PPFIBP1: variants seen among roughly 807,000 people sequenced by gnomAD.
PPFIBP1 encodes the protein PPFIB scaffold protein 1, also known as liprin-beta-1.
Under a neutral mutation model 137.8 loss-of-function variants are expected in PPFIBP1, and 112 were observed. The ratio of observed to expected loss-of-function variants is 0.81; its 90% CI spans 0.70 to 0.95. The LOEUF (loss-of-function observed/expected upper bound fraction) is 0.95. Ranked by LOEUF, PPFIBP1 falls within the 40% of genes least tolerant of loss-of-function variation. The probability of loss-of-function intolerance (pLI) is 0.00; values close to 1 mark genes in which losing one functional copy is unlikely to be tolerated. For synonymous variants in PPFIBP1, 378 were observed against 417.3 expected, an observed-to-expected ratio of 0.91 and a Z score of 1.15; for missense variants, 1,083 against 1,196.6, an observed-to-expected ratio of 0.91 and a Z score of 1.40.
chr12:27,650,043 A>C lies in PPFIBP1; in HGVS notation c.505A>C (p.Lys169Gln). 1 of 1,603,060 alleles carries C rather than the reference A, an allele frequency of 6.2e-7. No homozygotes were observed. Among genetic ancestry groups the C allele is most frequent in the Non-Finnish European group, 8.5e-7 (1 of 1,170,148 alleles). The change falls in exon 7 of 30, where the codon AAG becomes CAG. Residue 169 changes from lysine (K) to glutamine (Q), a missense_variant. Transcript: ENST00000228425. ...LLSRTSLETQKLDLMAEISNL... is the reference protein window; with the variant it reads ...LLSRTSLETQQLDLMAEISNL... ...AAGTAGGACATCCTTAGAAACTCAG[A>C]AGTTGGATCTGATGGCTGAAATATC...
At chr12:27,612,749 C>T (rs1383760590) in intron 2 of PPFIBP1, among the ~76,000 whole-genome samples, 1 of 152,172 alleles carries the variant, frequency 6.6e-6, no homozygotes, top group Non-Finnish European at 1.5e-5. Context: ...CCCTGAAATA[C>T]AATCCTATTT....
At chr12:27,592,200 G>A (rs1172813243) in intron 2 of PPFIBP1, among the ~76,000 whole-genome samples, 1 of 152,222 alleles carries the variant, frequency 6.6e-6, no homozygotes, top group African/African-American at 2.4e-5. Context: ...TGGATTTGGA[G>A]CTGTCGTCCT....
Position 27,667,537 on chromosome 12 carries a change from A to C in PPFIBP1, c.1146+217A>C, listed in dbSNP as rs534424001. Among the ~76,000 whole-genome samples the C allele has an allele frequency of 3.3e-5, 5 of 152,380 alleles. No homozygotes were observed. In the East Asian group the frequency reaches 9.6e-4, roughly 29 times the overall value. ...TTCTGACTTCTTTAGACTTGGAAGA[A>C]GCAACTGGAGAGGAGTAAACAGTTA... On this transcript the variant is annotated intron_variant, in intron 13 of 29. Coordinates refer to ENST00000228425, the MANE Select transcript of PPFIBP1 (RefSeq NM_003622.4).
At position 27,689,038 on chromosome 12, in the gene PPFIBP1, A is replaced by G. The variant is rs2061364936; in HGVS notation, c.2520A>G (p.Val840=). The G allele has an allele frequency of 1.2e-6, 2 of 1,613,458 alleles. No individual in the cohort carries two copies. Among genetic ancestry groups the G allele is most frequent in the East Asian group, 2.2e-5 (1 of 44,872 alleles). ...AGGTTCTAGAGCCTCGTTTTAACGTAGAAACAATGGCTCAGTTATTGAACA... is the reference window on the plus strand; with the variant it reads ...AGGTTCTAGAGCCTCGTTTTAACGTGGAAACAATGGCTCAGTTATTGAACA... The part of the protein sequence containing the change: ...GLMVLEPRFN[V]ETMAQLLNIP... The change falls in exon 27 of 30, where the codon GTA becomes GTG. Residue 840 remains valine (V), a synonymous_variant. Coordinates refer to ENST00000228425, the MANE Select transcript of PPFIBP1 (RefSeq NM_003622.4).
At chr12:27,527,787 C>T (rs1322302812) in intron 1 of PPFIBP1, among the ~76,000 whole-genome samples, 2 of 151,794 alleles carry the variant, frequency 1.3e-5, no homozygotes, top group African/African-American at 2.4e-5. Context: ...AAAAAAATCA[C>T]AGTTGAGCAG....
intron 1 of PPFIBP1, chr12:27,547,237 G>T (rs1442174025): frequency 6.6e-6 from 1 of 152,174 alleles, no homozygotes; most frequent in African/African-American, 2.4e-5. Flanking sequence ...ACATGATGTT[G>T]GGACAAGCAA....
At chr12:27,565,332 G>C (rs574936678) in intron 1 of PPFIBP1, among the ~76,000 whole-genome samples, 1 of 152,284 alleles carries the variant, frequency 6.6e-6, no homozygotes, top group African/African-American at 2.4e-5. Context: ...CCCATCTTCT[G>C]TTTTCTCTAG....
rs753119826 is a variant in PPFIBP1 at position 27,682,428 on chromosome 12, G to T, written c.2088G>T (p.Gln696His). The T allele has an allele frequency of 5.6e-6, 9 of 1,614,028 alleles. No homozygotes were observed. The highest frequency in any genetic ancestry group is 2.2e-5 in the South Asian group (2 of 91,068). Residue 696 changes from glutamine to histidine, a missense_variant, in exon 23 of 30, where the codon CAG becomes CAT. By Grantham distance (24) the Gln-to-His change is conservative. Coordinates refer to ENST00000228425, the MANE Select transcript of PPFIBP1 (RefSeq NM_003622.4). Reference sequence around the variant, plus strand: ...ATTCACTTCATCGAAAGAAACTCCAGCTAGCACTCCAAGCCCTGGGATCTG... The same window carrying T: ...ATTCACTTCATCGAAAGAAACTCCATCTAGCACTCCAAGCCCTGGGATCTG... ...IKHSLHRKKLQLALQALGSEE... is the reference protein window; with the variant it reads ...IKHSLHRKKLHLALQALGSEE...
chr12:27,557,760 C>G (rs1384380355), intron 1 of PPFIBP1, among the ~76,000 whole-genome samples: 4 of 152,170 alleles, frequency 2.6e-5, no homozygotes. Context: ...TACATTTTGT[C>G]TATTTAAGTG....
chr12:27,626,798 T>C (rs1176404181), intron 2 of PPFIBP1, among the ~76,000 whole-genome samples: 2 of 152,130 alleles, frequency 1.3e-5, no homozygotes, highest in East Asian at 3.9e-4. Context: ...ACTCCTGACC[T>C]CAAGTGGTCT....
intron 11 of PPFIBP1, among the ~76,000 whole-genome samples, chr12:27,661,587 C>T (rs1274633089): frequency 5.9e-5 from 9 of 152,164 alleles, no homozygotes; most frequent in Non-Finnish European, 1.0e-4. Context: ...TACCTGACCA[C>T]GTATCTAGCA....
At chr12:27,586,699 G>GA (rs11414615) in intron 2 of PPFIBP1, among the ~76,000 whole-genome samples, 38,813 of 148,052 alleles carry the variant, frequency 0.26, 5,130 homozygotes, top group Middle Eastern at 0.33. Context: ...TCTGTCTCAA[G>GA]AAAAAAAAAA....
intron 2 of PPFIBP1, among the ~76,000 whole-genome samples, chr12:27,591,832 G>C (rs1242583850): frequency 6.6e-6 from 1 of 152,078 alleles, no homozygotes; most frequent in Non-Finnish European, 1.5e-5. Flanking sequence ...AGGTACCTGG[G>C]GAATATCAGA....
rs1457220801 is a variant in PPFIBP1, at chr12:27,683,747, TA to T, written c.2247+1048del. ...TCCATACCACTATTAATGTTCTACTTAAAATTCTCTTTATTTATTTATTTTT... is the reference window on the plus strand; with the variant it reads ...TCCATACCACTATTAATGTTCTACTTAAATTCTCTTTATTTATTTATTTTT... On this transcript the variant is annotated intron_variant, in intron 24 of 29. Transcript: ENST00000228425. 3.3e-5 allele frequency among the ~76,000 whole-genome samples: 5 copies of T among 152,198 alleles called. No individual in the cohort carries two copies. In the East Asian group the frequency reaches 9.6e-4, roughly 29 times the overall value.
At chr12:27,670,785 A>AT (rs1555238606) in intron 13 of PPFIBP1, among the ~76,000 whole-genome samples, 1 of 139,304 alleles carries the variant, frequency 7.2e-6, no homozygotes, top group African/African-American at 2.7e-5. Context: ...TCTCAAAAAA[A>AT]AAAAAAAAAA....
At chr12:27,634,117 G>A (rs2057471426) in intron 3 of PPFIBP1, among the ~76,000 whole-genome samples, 1 of 149,172 alleles carries the variant, frequency 6.7e-6, no homozygotes, top group African/African-American at 2.5e-5. Flanking sequence ...TTACAGGCGT[G>A]AGCCACCGTA....
chr12:27,646,197 C>G, intron 5 of PPFIBP1, 49 bp downstream of exon 5: 2 of 1,459,620 alleles, frequency 1.4e-6, no homozygotes, highest in Non-Finnish European at 9.5e-7. Context: ...ACTTACAAAG[C>G]CTTTTAAATT....
intron 13 of PPFIBP1, among the ~76,000 whole-genome samples, chr12:27,670,626 A>G (rs2060120519): frequency 6.6e-6 from 1 of 152,012 alleles, no homozygotes; most frequent in Non-Finnish European, 1.5e-5. Flanking sequence ...AAAATTTTAA[A>G]CATTAGCCAG....
chr12:27,550,297 A>G (rs949735052), intron 1 of PPFIBP1, among the ~76,000 whole-genome samples: 2 of 152,150 alleles, frequency 1.3e-5, no homozygotes, highest in Admixed American at 6.5e-5. Context: ...CATTGTCCCT[A>G]TGGAGTTTCT....
Sources: allele counts gnomAD v4.1 joint callset (sites outside exome capture counted in the v4.1 genomes callset), GRCh38; gene constraint gnomAD v4.1.1; transcripts MANE v1.5; gene names NCBI Gene and HGNC (gene_info 2026-07-23, HGNC 2026-07-21).